Variants in NKAIN3 observed in about 807,000 individuals in gnomAD.
NKAIN3 encodes the protein sodium/potassium transporting ATPase interacting 3.
A neutral mutation model predicts 30.2 loss-of-function variants in NKAIN3; 25 were observed. The observed-to-expected ratio is 0.83, with a 90% CI of 0.60 to 1.16. NKAIN3 has a LOEUF of 1.16. NKAIN3 is among the 50% of genes most tolerant of loss of function. The pLI is 0.00. For missense variants in NKAIN3, 225 were observed against 254.1 expected, an observed-to-expected ratio of 0.89 and a Z score of 0.78; for synonymous variants, 91 against 89.6, an observed-to-expected ratio of 1.02 and a Z score of -0.09.
At chr8:62,778,125 C>A (rs1169637586) in intron 4 of NKAIN3, among the ~76,000 whole-genome samples, 2 of 152,070 alleles carry the variant, frequency 1.3e-5, no homozygotes, top group Non-Finnish European at 2.9e-5. Context: ...TGGCCATTAC[C>A]ACGGAGACTG....
chr8:62,452,258 C>T (rs1208331311), intron 1 of NKAIN3, among the ~76,000 whole-genome samples: 1 of 152,058 alleles, frequency 6.6e-6, no homozygotes, highest in East Asian at 1.9e-4. Flanking sequence ...GGTGGATCAC[C>T]TGAGGTCAGG....
At chr8:62,928,245 T>TTATAATTATAA (rs1822508853) in intron 5 of NKAIN3, among the ~76,000 whole-genome samples, 1 of 152,180 alleles carries the variant, frequency 6.6e-6, no homozygotes, top group Admixed American at 6.5e-5. Context: ...TAATTATAAA[T>TTATAATTATAA]TATTTCTAAG....
intron 1 of NKAIN3, among the ~76,000 whole-genome samples, chr8:62,400,101 CAA>C (rs964993131): frequency 2.0e-5 from 3 of 149,720 alleles, no homozygotes; most frequent in African/African-American, 4.9e-5. Flanking sequence ...GAAGGGAAAA[CAA>C]GAGATCACAA....
chr8:62,804,059 C>G (rs979028210), intron 4 of NKAIN3, among the ~76,000 whole-genome samples: 1 of 152,176 alleles, frequency 6.6e-6, no homozygotes, highest in Admixed American at 6.5e-5. Flanking sequence ...CCAAGATTAA[C>G]CAGGAAGAAG....
intron 5 of NKAIN3, among the ~76,000 whole-genome samples, chr8:62,937,242 T>C (rs1007539562): frequency 1.3e-5 from 2 of 152,102 alleles, no homozygotes; most frequent in African/African-American, 4.8e-5. Flanking sequence ...CATGAACTTT[T>C]GTTCCAAGAA....
intron 3 of NKAIN3, among the ~76,000 whole-genome samples, chr8:62,636,042 G>A (rs546138533): frequency 1.3e-5 from 2 of 152,254 alleles, no homozygotes; most frequent in African/African-American, 2.4e-5. Context: ...GAATGGAGCC[G>A]TGTGATAAGA....
intron 4 of NKAIN3, among the ~76,000 whole-genome samples, chr8:62,849,948 A>G (rs1294571890): frequency 1.3e-5 from 2 of 152,108 alleles, no homozygotes; most frequent in Non-Finnish European, 2.9e-5. Context: ...AGCATGATTT[A>G]TAATCCTTTG....
At chr8:62,258,601 A>AGTGAGCCTTAATG (rs1457139304) in intron 1 of NKAIN3, among the ~76,000 whole-genome samples, 3 of 152,182 alleles carry the variant, frequency 2.0e-5, no homozygotes, top group African/African-American at 7.2e-5. Flanking sequence ...TCGAGGCTGC[A>AGTGAGCCTTAATG]GTGAGCCTTA....
chr8:62,777,161 T>C (rs1817218345), intron 4 of NKAIN3, among the ~76,000 whole-genome samples: 1 of 152,198 alleles, frequency 6.6e-6, no homozygotes, highest in African/African-American at 2.4e-5. Context: ...GATTATTGAA[T>C]AGTTTGAGGA....
Position 62,982,550 on chromosome 8 carries a change from T to C in NKAIN3, c.*17143T>C, listed in dbSNP as rs1158594370. 6.6e-6 allele frequency: 1 copy of C among 152,232 alleles called. No homozygotes were observed. The highest frequency in any genetic ancestry group is 1.5e-5 in the Non-Finnish European group (1 of 68,040). 9.4% of individuals were successfully genotyped at this position (152,232 alleles called of 1,614,324 possible). ...TCAGTAATTCTGTAGACATGCTTCA[T>C]GCATGTTCTGAATAGGAGCTATGGT... is the stretch of plus-strand genomic sequence containing the variant. On this transcript the variant is annotated 3_prime_UTR_variant, in exon 7 of 7. Coordinates refer to ENST00000623646, the MANE Select transcript of NKAIN3 (RefSeq NM_001304533.3).
chr8:62,540,646 G>T (rs577360610), intron 1 of NKAIN3, among the ~76,000 whole-genome samples: 1 of 152,040 alleles, frequency 6.6e-6, no homozygotes, highest in South Asian at 2.1e-4. Context: ...GTTTAGAGTA[G>T]CCTCTCTAGA....
At chr8:62,618,967 AAGAGAAG>A (rs1293776918) in intron 3 of NKAIN3, among the ~76,000 whole-genome samples, 2 of 152,116 alleles carry the variant, frequency 1.3e-5, no homozygotes, top group African/African-American at 4.8e-5. Context: ...AGTGAAGAGA[AAGAGAAG>A]AGATACCTAC....
At position 62,555,053 on chromosome 8, in the gene NKAIN3, CACAT is replaced by C. The variant is rs1252338846; in HGVS notation, c.55-24485_55-24482del. 3.0e-4 allele frequency among the ~76,000 whole-genome samples: 39 copies of C among 130,094 alleles called. 1 individual carries two copies. The highest frequency in any genetic ancestry group is 4.0e-3 in the Middle Eastern group (1 of 248). The allele number at this position is 130,094 out of a possible 152,430, so 85.3% of individuals were successfully genotyped here. On this transcript the variant is annotated intron_variant, in intron 1 of 6. Coordinates refer to ENST00000623646, the MANE Select transcript of NKAIN3 (RefSeq NM_001304533.3). Reference sequence around the variant, plus strand: ...ACACACACACACACACACACACACACACATGCCTAGCTATGTGAGAAGATGGATA... The same window carrying C: ...ACACACACACACACACACACACACACGCCTAGCTATGTGAGAAGATGGATA...
chr8:62,376,604 T>G (rs981414732), intron 1 of NKAIN3, among the ~76,000 whole-genome samples: 5 of 152,194 alleles, frequency 3.3e-5, no homozygotes, highest in African/African-American at 1.2e-4. Context: ...CTCTGTAACA[T>G]TGTACCATTT....
At chr8:62,601,749 G>A (rs1412611907) in intron 3 of NKAIN3, among the ~76,000 whole-genome samples, 1 of 152,018 alleles carries the variant, frequency 6.6e-6, no homozygotes, top group Middle Eastern at 3.2e-3. Flanking sequence ...TTATTGTTAT[G>A]TTTGGTTCCT....
At position 62,974,621 on chromosome 8, in the gene NKAIN3, A is replaced by T. The variant is rs1823905328; in HGVS notation, c.*9214A>T. 6.6e-6 allele frequency among the ~76,000 whole-genome samples: 1 copy of T among 152,168 alleles called. No homozygotes were observed. The highest frequency in any genetic ancestry group is 1.5e-5 in the Non-Finnish European group (1 of 68,024). ...ATCATCTGCAAACAGAGATAATTTG[A>T]CTTTCTCTCTTCCTATTCGAATACG... On this transcript the variant is annotated 3_prime_UTR_variant, in exon 7 of 7. Transcript: ENST00000623646.
chr8:62,451,896 T>C (rs1208511139), intron 1 of NKAIN3, among the ~76,000 whole-genome samples: 2 of 152,216 alleles, frequency 1.3e-5, no homozygotes. Flanking sequence ...GAATCATACA[T>C]GAAAGATTCC....
chr8:62,547,257 T>C (rs995460571), intron 1 of NKAIN3, among the ~76,000 whole-genome samples: 1 of 152,170 alleles, frequency 6.6e-6, no homozygotes, highest in Non-Finnish European at 1.5e-5. Context: ...CTTAGAGAGA[T>C]CTCCACTGGT....
chr8:62,847,780 T>G (rs1390895609), intron 4 of NKAIN3, among the ~76,000 whole-genome samples: 1 of 86,420 alleles, frequency 1.2e-5, no homozygotes, highest in East Asian at 3.0e-4. Context: ...ATGGCATTGC[T>G]TAGGTTTTCT....
Sources: gnomAD v4.1 joint callset for allele counts (sites outside exome capture counted in the v4.1 genomes callset) on GRCh38, gnomAD v4.1.1 for gene constraint, MANE v1.5 for transcripts, NCBI Gene and HGNC (gene_info 2026-07-23, HGNC 2026-07-21) for gene names.